Variants in RPS6KC1 observed in about 807,000 individuals in gnomAD.
RPS6KC1 encodes the protein ribosomal protein S6 kinase C1.
In RPS6KC1, 54 loss-of-function variants were observed where a neutral mutation model predicts 103.8. That is an observed-to-expected ratio of 0.52 (90% confidence interval 0.42 to 0.65). The LOEUF is 0.65. Ranked by LOEUF, RPS6KC1 falls within the 30% of genes least tolerant of loss-of-function variation. The pLI, the probability that RPS6KC1 is intolerant of heterozygous loss-of-function variation, is 0.00. For synonymous variants in RPS6KC1, 439 were observed against 438.7 expected (o/e 1.00, Z -0.01); for missense variants, 1,151 against 1,253.8 (o/e 0.92, Z 1.24).
chr1:213,443,180 A>T, the RPS6KC1 span, among the ~76,000 whole-genome samples: 2 of 152,090 alleles, frequency 1.3e-5, no homozygotes, highest in Admixed American at 1.3e-4. Flanking sequence ...CTACTTTTCT[A>T]CCTTTTCTAG....
At chr1:213,627,517 G>T in the RPS6KC1 span, among the ~76,000 whole-genome samples, 171 of 152,216 alleles carry the variant, frequency 1.1e-3, no homozygotes, top group African/African-American at 3.9e-3. Context: ...CAAAGGGAAT[G>T]CTTCCAGTTT....
chr1:213,102,762 A>T (rs2082126018), intron 3 of RPS6KC1, among the ~76,000 whole-genome samples: 1 of 152,204 alleles, frequency 6.6e-6, no homozygotes, highest in Non-Finnish European at 1.5e-5. Context: ...CCTAGGCTCT[A>T]TCAAGATACT....
At chr1:213,118,291 T>G (rs1289077431) in intron 5 of RPS6KC1, among the ~76,000 whole-genome samples, 1 of 152,044 alleles carries the variant, frequency 6.6e-6, no homozygotes, top group Non-Finnish European at 1.5e-5. Flanking sequence ...TGTAACTAGT[T>G]TTTTTTCAGG....
the RPS6KC1 span, among the ~76,000 whole-genome samples, chr1:213,590,768 C>T: frequency 1.3e-5 from 2 of 148,162 alleles, no homozygotes; most frequent in Non-Finnish European, 3.0e-5. Flanking sequence ...CTCCGGCAGC[C>T]GGGTGGTGGT....
chr1:213,358,642 G>A, the RPS6KC1 span, among the ~76,000 whole-genome samples: 3 of 152,074 alleles, frequency 2.0e-5, no homozygotes, highest in African/African-American at 7.2e-5. Context: ...CTTCAGTTCT[G>A]CTCTGATCTT....
Position 213,145,155 on chromosome 1 carries a change from A to G in RPS6KC1, c.835+15266A>G, listed in dbSNP as rs563851613. Reference sequence around the variant, plus strand: ...CTAAAAATACCAGACAATATATTTAACAATGATTTTCGAGACACTGGGCAT... The same window carrying G: ...CTAAAAATACCAGACAATATATTTAGCAATGATTTTCGAGACACTGGGCAT... On this transcript the variant is annotated intron_variant, in intron 6 of 14. Coordinates refer to ENST00000366960, the MANE Select transcript of RPS6KC1 (RefSeq NM_012424.6). Among the ~76,000 whole-genome samples, 10 of 152,164 alleles carry G rather than the reference A, an allele frequency of 6.6e-5. 1 individual carries two copies. The highest frequency in any genetic ancestry group is 1.0e-4 in the Non-Finnish European group (7 of 68,032).
chr1:213,422,087 A>G, the RPS6KC1 span, among the ~76,000 whole-genome samples: 2 of 152,206 alleles, frequency 1.3e-5, no homozygotes, highest in Non-Finnish European at 2.9e-5. Context: ...CAGTGGCACT[A>G]AGGACATTCA....
At chr1:213,094,887 G>A (rs1356717962) in intron 3 of RPS6KC1, among the ~76,000 whole-genome samples, 1 of 152,122 alleles carries the variant, frequency 6.6e-6, no homozygotes, top group Non-Finnish European at 1.5e-5. Context: ...CCTCATTCTG[G>A]TTACAATGAA....
intron 3 of RPS6KC1, among the ~76,000 whole-genome samples, chr1:213,085,509 T>G (rs2080306873): frequency 6.6e-6 from 1 of 152,210 alleles, no homozygotes; most frequent in Non-Finnish European, 1.5e-5. Context: ...TGGGTAGATA[T>G]TTGTAAGATC....
At chr1:213,836,393 T>G in the RPS6KC1 span, among the ~76,000 whole-genome samples, 16 of 152,236 alleles carry the variant, frequency 1.1e-4, no homozygotes, top group South Asian at 3.3e-3. Context: ...TGTGAAAATG[T>G]TGAAGACATG....
chr1:213,319,789 C>T, the RPS6KC1 span, among the ~76,000 whole-genome samples: 1 of 152,214 alleles, frequency 6.6e-6, no homozygotes, highest in African/African-American at 2.4e-5. Flanking sequence ...CATCTTTAAG[C>T]ATTAATCTGC....
chr1:213,206,393 T>C (rs2093350350), intron 8 of RPS6KC1, among the ~76,000 whole-genome samples: 1 of 152,266 alleles, frequency 6.6e-6, no homozygotes, highest in Non-Finnish European at 1.5e-5. Context: ...ACCTTTTGAA[T>C]GCTGCCCTGG....
chr1:213,778,845 C>T, the RPS6KC1 span, among the ~76,000 whole-genome samples: 1 of 152,096 alleles, frequency 6.6e-6, no homozygotes, highest in African/African-American at 2.4e-5. Flanking sequence ...TCTCTAGTCT[C>T]TGAGATGCCC....
the RPS6KC1 span, among the ~76,000 whole-genome samples, chr1:213,320,185 C>G: frequency 6.6e-6 from 1 of 152,360 alleles, no homozygotes; most frequent in South Asian, 2.1e-4. Flanking sequence ...AGGCCTCCAT[C>G]TTGCCCACAA....
chr1:213,570,544 G>GT, the RPS6KC1 span, among the ~76,000 whole-genome samples: 327 of 152,266 alleles, frequency 2.1e-3, no homozygotes, highest in African/African-American at 7.2e-3. Flanking sequence ...TGTGCTACCA[G>GT]TTTTTTTAAT....
At chr1:213,482,844 A>T in the RPS6KC1 span, among the ~76,000 whole-genome samples, 2 of 151,636 alleles carry the variant, frequency 1.3e-5, no homozygotes, top group African/African-American at 4.8e-5. Flanking sequence ...AATGTAAACA[A>T]CCACCTTGTG....
the RPS6KC1 span, among the ~76,000 whole-genome samples, chr1:213,492,148 G>A: frequency 6.6e-6 from 1 of 152,240 alleles, no homozygotes; most frequent in African/African-American, 2.4e-5. Context: ...TGTGTGCATA[G>A]AGGAGGCACG....
At chr1:213,141,447 A>AT (rs1469370754) in intron 6 of RPS6KC1, among the ~76,000 whole-genome samples, 2 of 151,272 alleles carry the variant, frequency 1.3e-5, no homozygotes, top group Non-Finnish European at 2.9e-5. Flanking sequence ...TTTTATTTTT[A>AT]TTTTTTGAAT....
chr1:213,118,210 A>G (rs1031939825), intron 5 of RPS6KC1, among the ~76,000 whole-genome samples: 1 of 151,910 alleles, frequency 6.6e-6, no homozygotes, highest in Non-Finnish European at 1.5e-5. Context: ...TTCATTCAAG[A>G]ATGCTTAATC....
Sources: allele counts gnomAD v4.1 joint callset (sites outside exome capture counted in the v4.1 genomes callset), GRCh38; gene constraint gnomAD v4.1.1; transcripts MANE v1.5; gene names NCBI Gene and HGNC (gene_info 2026-07-23, HGNC 2026-07-21).